The following PAQR7 variants were observed in gnomAD, a reference collection of about 807,000 sequenced individuals.
PAQR7 encodes progestin and adipoQ receptor family member 7.
A neutral mutation model predicts 24.6 loss-of-function variants in PAQR7; 14 were observed. The ratio of observed to expected loss-of-function variants is 0.57; its 90% confidence interval spans 0.38 to 0.89. PAQR7 has a LOEUF of 0.89. Among genes scored for constraint, PAQR7 ranks in the 40% least tolerant of loss-of-function variants. The pLI, the probability that PAQR7 is intolerant of heterozygous loss-of-function variation, is 0.00. For missense variants in PAQR7, 351 were observed against 444.0 expected (o/e 0.79, Z 1.88); for synonymous variants, 189 against 198.8 (o/e 0.95, Z 0.42).
intron 2 of PAQR7, among the ~76,000 whole-genome samples, chr1:25,866,905 G>C (rs931481600): frequency 6.6e-6 from 1 of 152,264 alleles, no homozygotes; most frequent in Admixed American, 6.5e-5. Flanking sequence ...GCTAATTTTT[G>C]TATTTTTAGT....
chr1:25,871,205 A>G lies in PAQR7; in HGVS notation c.-108-511T>C, dbSNP rs554159519. Reference sequence around the variant, plus strand: ...CCAAGGACACTGACCTTACTTAATCATTAAATTGTTCTTAGCAAAGACCAT... The same window carrying G: ...CCAAGGACACTGACCTTACTTAATCGTTAAATTGTTCTTAGCAAAGACCAT... On this transcript the variant is annotated intron_variant, in intron 1 of 2. Transcript: ENST00000675840. The G allele has an allele frequency of 7.2e-5, 11 of 152,248 alleles. No homozygotes were observed. In the South Asian group the frequency reaches 2.3e-3, roughly 32 times the overall value. 9.4% of individuals were successfully genotyped at this position (152,248 alleles called of 1,614,324 possible).
rs1394513890 is a variant in PAQR7, at chr1:25,863,907, C to T, written c.-22-46G>A. ...AAGTCAGGGGCCTGGTGTCCTCACC[C>T]CCACGAGCAGCAGCTGGGGGGCTCT... On this transcript the variant is annotated intron_variant, in intron 2 of 2. Transcript: ENST00000675840. The surrounding 1 kb of genome is among the most constrained non-coding windows in gnomAD (Gnocchi z 6.1). 6.8e-7 allele frequency: 1 copy of T among 1,460,706 alleles called. No homozygotes were observed. 90.5% of individuals were successfully genotyped at this position (1,460,706 alleles called of 1,614,324 possible).
Position 25,873,820 on chromosome 1 carries a change from G to A in PAQR7, c.-109+1668C>T, listed in dbSNP as rs563294940. On this transcript the variant is annotated intron_variant, in intron 1 of 2. Coordinates refer to ENST00000675840, the MANE Select transcript of PAQR7 (RefSeq NM_178422.6). ...TCCTGGGCTTGAGCAATCCTCCTGC[G>A]TTGGCCTCTCAAAGTGCTGGGGTTA... 1.1e-4 allele frequency among the ~76,000 whole-genome samples: 17 copies of A among 152,132 alleles called. No individual in the cohort carries two copies. The East Asian group carries it at 2.1e-3, about 19-fold the overall frequency.
rs748026135 is a variant in PAQR7, at chr1:25,863,105, C to T, written c.735G>A (p.Val245=). ...AGGCAGCAGCCAGCAGAAAGAAGACCACCTGGCACTTGTGGTAGAGAAGAG... is the reference window on the plus strand; with the variant it reads ...AGGCAGCAGCCAGCAGAAAGAAGACTACCTGGCACTTGTGGTAGAGAAGAG... ...DPALLYHKCQ[V]VFFLLAAAFF... Residue 245 remains valine (V), a synonymous_variant, in exon 3 of 3, where the codon GTG becomes GTA. Transcript: ENST00000675840. The surrounding 1 kb of genome is among the most constrained non-coding windows in gnomAD (Gnocchi z 6.1). 10 of 1,614,132 alleles carry T rather than the reference C, an allele frequency of 6.2e-6. No homozygotes were observed. The Middle Eastern group carries it at 4.9e-4, about 80-fold the overall frequency.
chr1:25,863,925 G>A lies in PAQR7; in HGVS notation c.-22-64C>T, dbSNP rs941755477. Reference sequence around the variant, plus strand: ...CCTCACCCCCACGAGCAGCAGCTGGGGGGCTCTGATGCCCAAATCCTACTC... The same window carrying A: ...CCTCACCCCCACGAGCAGCAGCTGGAGGGCTCTGATGCCCAAATCCTACTC... On this transcript the variant is annotated intron_variant, in intron 2 of 2. Coordinates refer to ENST00000675840, the MANE Select transcript of PAQR7 (RefSeq NM_178422.6). The surrounding 1 kb of genome is among the most constrained non-coding windows in gnomAD (Gnocchi z 6.1). 2 of 1,337,602 alleles carry A rather than the reference G, an allele frequency of 1.5e-6. No homozygotes were observed. The highest frequency in any genetic ancestry group is 2.0e-6 in the Non-Finnish European group (2 of 986,516). 82.9% of individuals were successfully genotyped at this position (1,337,602 alleles called of 1,614,324 possible).
At position 25,862,602 on chromosome 1, in the gene PAQR7, G is replaced by A; in HGVS notation, c.*197C>T. On this transcript the variant is annotated 3_prime_UTR_variant, in exon 3 of 3. Coordinates refer to ENST00000675840, the MANE Select transcript of PAQR7 (RefSeq NM_178422.6). ...TGGGCAAGGAGCTGGGGCAGGCCCA[G>A]GAGTGGACCCCAGCAACTCCTAGCC... The A allele has an allele frequency of 3.2e-6, 2 of 632,338 alleles. 1 individual carries two copies. The highest frequency in any genetic ancestry group is 4.1e-5 in the South Asian group (2 of 48,610). 39.2% of individuals were successfully genotyped at this position (632,338 alleles called of 1,614,324 possible). A position where few individuals can be genotyped will look rare whatever the true frequency, so the allele number is the denominator to read the frequency against.
Position 25,862,625 on chromosome 1 carries a change from G to T in PAQR7, c.*174C>A. On this transcript the variant is annotated 3_prime_UTR_variant, in exon 3 of 3. Transcript: ENST00000675840. ...CAGGAGTGGACCCCAGCAACTCCTA[G>T]CCAATCCCTAAATCCAAGAATTGGC... 2 of 739,670 alleles carry T rather than the reference G, an allele frequency of 2.7e-6. No homozygotes were observed. Among genetic ancestry groups the T allele is most frequent in the Non-Finnish European group, 4.4e-6 (2 of 459,712 alleles). 45.8% of individuals were successfully genotyped at this position (739,670 alleles called of 1,614,324 possible). A position where few individuals can be genotyped will look rare whatever the true frequency, so the allele number is the denominator to read the frequency against.
rs1285808036 is a variant in PAQR7, at chr1:25,863,099, G to T, written c.741C>A (p.Phe247Leu). The change falls in exon 3 of 3, where the codon TTC becomes TTA. Residue 247 changes from phenylalanine (F) to leucine (L), a missense_variant. By Grantham distance (22) the Phe-to-Leu change is conservative. Coordinates refer to ENST00000675840, the MANE Select transcript of PAQR7 (RefSeq NM_178422.6). This position sits in a 1 kb window ranked among gnomAD's most constrained non-coding sequence, Gnocchi z 6.1. ...AGAAGAAGGCAGCAGCCAGCAGAAA[G>T]AAGACCACCTGGCACTTGTGGTAGA... ...ALLYHKCQVV[F>L]FLLAAAFFST... 1.2e-6 allele frequency: 2 copies of T among 1,613,922 alleles called. No homozygotes were observed. Among genetic ancestry groups the T allele is most frequent in the Admixed American group, 1.7e-5 (1 of 60,000 alleles).
chr1:25,862,234 G>A lies in PAQR7; in HGVS notation c.*565C>T, dbSNP rs1254070614. 6.5e-6 allele frequency: 1 copy of A among 153,216 alleles called. No homozygotes were observed. The highest frequency in any genetic ancestry group is 1.5e-5 in the Non-Finnish European group (1 of 68,928). 9.5% of individuals were successfully genotyped at this position (153,216 alleles called of 1,614,324 possible). A position where few individuals can be genotyped will look rare whatever the true frequency, so the allele number is the denominator to read the frequency against. On this transcript the variant is annotated 3_prime_UTR_variant, in exon 3 of 3. Coordinates refer to ENST00000675840, the MANE Select transcript of PAQR7 (RefSeq NM_178422.6). ...TCACTGTCTGGGATAGTGACTGAAG[G>A]AGTATGAAGCACTGGATGGGACCCA... is the stretch of plus-strand genomic sequence containing the variant.
In PAQR7 at chr1:25,863,706, G is replaced by A. The variant is rs1380123201; in HGVS notation, c.134C>T (p.Pro45Leu). The A allele has an allele frequency of 3.1e-6, 5 of 1,614,160 alleles. No homozygotes were observed. The highest frequency in any genetic ancestry group is 3.4e-6 in the Non-Finnish European group (4 of 1,180,042). Residue 45 changes from proline to leucine, a missense_variant, in exon 3 of 3, where the codon CCG (proline) becomes CTG (leucine). Pro to Leu is a moderately conservative substitution (Grantham distance 98). Coordinates refer to ENST00000675840, the MANE Select transcript of PAQR7 (RefSeq NM_178422.6). The surrounding 1 kb of genome is among the most constrained non-coding windows in gnomAD (Gnocchi z 6.1). ...RAEVPPLFWKPYIYAGYRPLH... is the reference protein window; with the variant it reads ...RAEVPPLFWKLYIYAGYRPLH... ...CGGCCGGTAGCCCGCATAGATGTAC[G>A]GCTTCCAGAAGAGCGGCGGCACCTC...
chr1:25,863,865 GGA>G lies in PAQR7; in HGVS notation c.-22-6_-22-5del, dbSNP rs1488295594. The G allele has an allele frequency of 6.3e-7, 1 of 1,588,678 alleles. No homozygotes were observed. The highest frequency in any genetic ancestry group is 1.4e-5 in the African/African-American group (1 of 73,846). On this transcript the variant is annotated splice_region_variant and splice_polypyrimidine_tract_variant and intron_variant, in intron 2 of 2. Coordinates refer to ENST00000675840, the MANE Select transcript of PAQR7 (RefSeq NM_178422.6). This position sits in a 1 kb window ranked among gnomAD's most constrained non-coding sequence, Gnocchi z 6.1. ...GGCTGTGGGCCTGGGCAGGGAGCTGGGAGAGAGACCAGAGCAAAGTCAGGGGC... is the reference window on the plus strand; with the variant it reads ...GGCTGTGGGCCTGGGCAGGGAGCTGGGAGAGACCAGAGCAAAGTCAGGGGC...
intron 2 of PAQR7, among the ~76,000 whole-genome samples, chr1:25,869,585 A>G (rs1047800659): frequency 6.7e-6 from 1 of 149,622 alleles, no homozygotes; most frequent in Admixed American, 6.7e-5. Context: ...AAAAAAAAAG[A>G]AAAAAGAAAG....
At position 25,863,210 on chromosome 1, in the gene PAQR7, G is replaced by A. The variant is rs1030256980; in HGVS notation, c.630C>T (p.Ser210=). Reference sequence around the variant, plus strand: ...TAATGTCCAGTGCGTAGGCCAGGACGGAGGGCACCTCCTGGCATGTGCGGC... The same window carrying A: ...TAATGTCCAGTGCGTAGGCCAGGACAGAGGGCACCTCCTGGCATGTGCGGC... ...LLGRTCQEVP[S]VLAYALDISP... The change falls in exon 3 of 3, where the codon TCC becomes TCT. Residue 210 remains serine, a synonymous_variant. Coordinates refer to ENST00000675840, the MANE Select transcript of PAQR7 (RefSeq NM_178422.6). The surrounding 1 kb of genome is among the most constrained non-coding windows in gnomAD (Gnocchi z 6.1). 9 of 1,614,132 alleles carry A rather than the reference G, an allele frequency of 5.6e-6. No individual in the cohort carries two copies. The highest frequency in any genetic ancestry group is 4.0e-5 in the African/African-American group (3 of 74,944).
intron 1 of PAQR7, among the ~76,000 whole-genome samples, chr1:25,872,585 A>C (rs1319769645): frequency 6.8e-6 from 1 of 147,818 alleles, no homozygotes; most frequent in Non-Finnish European, 1.5e-5. Context: ...GTGCAAACAC[A>C]GCTCACTGCA....
In PAQR7 at chr1:25,868,348, T is replaced by A. The variant is rs142840725; in HGVS notation, c.-23+2261A>T. 1.6e-3 allele frequency among the ~76,000 whole-genome samples: 245 copies of A among 152,314 alleles called. 2 individuals are homozygous for A. Among genetic ancestry groups the A allele is most frequent in the East Asian group, 0.011 (56 of 5,192 alleles). ...ACCTAGCTCCTGGGTGCCTGTGATCTGATAAGTCCAGTCCTGTGCTCCATA... is the reference window on the plus strand; with the variant it reads ...ACCTAGCTCCTGGGTGCCTGTGATCAGATAAGTCCAGTCCTGTGCTCCATA... On this transcript the variant is annotated intron_variant, in intron 2 of 2. Transcript: ENST00000675840.
At chr1:25,874,135 G>A (rs1465451098) in intron 1 of PAQR7, among the ~76,000 whole-genome samples, 3 of 150,688 alleles carry the variant, frequency 2.0e-5, no homozygotes, top group Non-Finnish European at 2.9e-5. Flanking sequence ...CGCCTGCCTC[G>A]GCCTCCCAAA....
intron 2 of PAQR7, among the ~76,000 whole-genome samples, chr1:25,867,401 A>C (rs1379043038): frequency 6.6e-6 from 1 of 152,138 alleles, no homozygotes; most frequent in Non-Finnish European, 1.5e-5. Flanking sequence ...CTAATTTTAT[A>C]CTGTTTTACC....
chr1:25,863,833 T>A lies in PAQR7; in HGVS notation c.7A>T (p.Met3Leu). 6.2e-7 allele frequency: 1 copy of A among 1,610,326 alleles called. No homozygotes were observed. Among genetic ancestry groups the A allele is most frequent in the Non-Finnish European group, 8.5e-7 (1 of 1,178,104 alleles). The change falls in exon 3 of 3, where the codon ATG becomes TTG. Residue 3 changes from methionine (M) to leucine (L), a missense_variant. Met to Leu is a conservative substitution (Grantham distance 15). Transcript: ENST00000675840. This position sits in a 1 kb window ranked among gnomAD's most constrained non-coding sequence, Gnocchi z 6.1. ...AGGAGGTGGCTGAGTTTCTGGGCCATGGCCATGGCTGTGGGCCTGGGCAGG... is the reference window on the plus strand; with the variant it reads ...AGGAGGTGGCTGAGTTTCTGGGCCAAGGCCATGGCTGTGGGCCTGGGCAGG... Reference protein sequence around the residue: MAMAQKLSHLLPS... With the variant: MALAQKLSHLLPS...
At chr1:25,874,295 T>G (rs1264902471) in intron 1 of PAQR7, among the ~76,000 whole-genome samples, 2 of 151,458 alleles carry the variant, frequency 1.3e-5, no homozygotes, top group Non-Finnish European at 2.9e-5. Flanking sequence ...TCCTCTCACC[T>G]CAGCCTCCCA....
Sources: gnomAD v4.1 joint callset for allele counts (sites outside exome capture counted in the v4.1 genomes callset) on GRCh38, gnomAD v4.1.1 for gene constraint, Gnocchi (gnomAD v3.1) non-coding constraint, MANE v1.5 for transcripts, NCBI Gene and HGNC (gene_info 2026-07-23, HGNC 2026-07-21) for gene names.